Variants in SLC9A4 observed in about 807,000 individuals in gnomAD.
SLC9A4 encodes the protein sodium/hydrogen exchanger 4.
A neutral mutation model predicts 67.4 loss-of-function variants in SLC9A4; 63 were observed. The ratio of observed to expected loss-of-function variants is 0.93; its 90% CI spans 0.76 to 1.15. The LOEUF is 1.15. Ranked by LOEUF, SLC9A4 falls within the 50% of genes most tolerant of loss-of-function variation. SLC9A4 has a pLI of 0.00. For missense variants in SLC9A4, 1,089 were observed against 987.7 expected, an observed-to-expected ratio of 1.10 and a Z score of -1.38; for synonymous variants, 393 against 367.2, an observed-to-expected ratio of 1.07 and a Z score of -0.80.
At chr2:102,519,178 G>A (rs1523204) in intron 8 of SLC9A4, among the ~76,000 whole-genome samples, 75,988 of 151,980 alleles carry the variant, frequency 0.5, 20,032 homozygotes, top group Admixed American at 0.59. Flanking sequence ...GTGGGAAGGG[G>A]TCACAGTGTA....
intron 2 of SLC9A4, among the ~76,000 whole-genome samples, chr2:102,484,119 C>G (rs1438954358): frequency 6.6e-6 from 1 of 151,966 alleles, no homozygotes; most frequent in Non-Finnish European, 1.5e-5. Context: ...TTTGCTTTTA[C>G]TAAGAGGCAT....
chr2:102,496,855 G>A (rs762250502), intron 2 of SLC9A4, among the ~76,000 whole-genome samples: 1 of 152,234 alleles, frequency 6.6e-6, no homozygotes, highest in Non-Finnish European at 1.5e-5. Context: ...CATCATGGTG[G>A]ATTAGCATCC....
intron 11 of SLC9A4, among the ~76,000 whole-genome samples, chr2:102,527,499 T>C (rs1674690778): frequency 6.6e-6 from 1 of 152,180 alleles, no homozygotes; most frequent in Non-Finnish European, 1.5e-5. Flanking sequence ...TATTATCAAC[T>C]TTTAATAAAT....
intron 10 of SLC9A4, 121 bp from the exon 11 acceptor site, chr2:102,526,138 T>A: frequency 1.0e-6 from 1 of 995,034 alleles, no homozygotes; most frequent in South Asian, 1.4e-5. Context: ...TCCGCCCTCT[T>A]CTGCCTCCCA....
At position 102,519,958 on chromosome 2, in the gene SLC9A4, G is replaced by A. The variant is rs1362532374; in HGVS notation, c.1818+3G>A. The A allele has an allele frequency of 3.1e-6, 5 of 1,612,822 alleles. No individual in the cohort carries two copies. Among genetic ancestry groups the A allele is most frequent in the Non-Finnish European group, 4.2e-6 (5 of 1,179,064 alleles). On this transcript the variant is annotated splice_donor_region_variant and intron_variant, in intron 9 of 11. Transcript: ENST00000295269. Reference sequence around the variant, plus strand: ...ACATGTACCAAGTTCGGCAAAGGGTGTGTATGAGCCACCTGTGTTGTCCCC... The same window carrying A: ...ACATGTACCAAGTTCGGCAAAGGGTATGTATGAGCCACCTGTGTTGTCCCC...
At chr2:102,515,858 G>A (rs1685266751) in intron 8 of SLC9A4, among the ~76,000 whole-genome samples, 1 of 151,996 alleles carries the variant, frequency 6.6e-6, no homozygotes, top group Non-Finnish European at 1.5e-5. Context: ...CCATACTCTG[G>A]TAGGGTCATG....
At position 102,519,955 on chromosome 2, in the gene SLC9A4, G is replaced by A. The variant is rs370263568; in HGVS notation, c.1818G>A (p.Arg606=). ...CCAACATGTACCAAGTTCGGCAAAG[G>A]GTGTGTATGAGCCACCTGTGTTGTC... is the stretch of plus-strand genomic sequence containing the variant. ...LTSNMYQVRQ[R]TLSYNKYNLK... The change falls in exon 9 of 12, where the codon AGG becomes AGA. Residue 606 remains arginine (R), a splice_region_variant and synonymous_variant. Transcript: ENST00000295269. The A allele has an allele frequency of 1.2e-6, 2 of 1,613,118 alleles. No individual in the cohort carries two copies. Among genetic ancestry groups the A allele is most frequent in the African/African-American group, 2.7e-5 (2 of 74,858 alleles).
intron 8 of SLC9A4, among the ~76,000 whole-genome samples, chr2:102,517,380 G>T (rs1685295468): frequency 6.6e-6 from 1 of 152,162 alleles, no homozygotes; most frequent in Non-Finnish European, 1.5e-5. Context: ...CCTATGATAT[G>T]TGTATTCTAC....
At chr2:102,477,473 G>A (rs1684358863) in intron 1 of SLC9A4, among the ~76,000 whole-genome samples, 1 of 152,214 alleles carries the variant, frequency 6.6e-6, no homozygotes, top group African/African-American at 2.4e-5. Flanking sequence ...AAGATACTGT[G>A]CTAAGCATTT....
intron 2 of SLC9A4, among the ~76,000 whole-genome samples, chr2:102,497,894 G>A (rs979212291): frequency 2.6e-5 from 4 of 152,172 alleles, no homozygotes; most frequent in Non-Finnish European, 4.4e-5. Flanking sequence ...AGCCCTGGTC[G>A]AAGGACTAAT....
intron 8 of SLC9A4, among the ~76,000 whole-genome samples, chr2:102,519,514 T>C (rs1349361564): frequency 4.6e-5 from 7 of 152,206 alleles, no homozygotes; most frequent in African/African-American, 7.2e-5. Context: ...CATGGTATGG[T>C]ATCATTTTCT....
chr2:102,526,314 C>G lies in SLC9A4; in HGVS notation c.2006C>G (p.Ala669Gly), dbSNP rs774369947. The change falls in exon 11 of 12, where the codon GCA becomes GGA. Residue 669 changes from alanine to glycine, a missense_variant. Coordinates refer to ENST00000295269, the MANE Select transcript of SLC9A4 (RefSeq NM_001011552.4). ...TACCCCTACGGGAATCCTCAGTCTGCAGGAAGAGACACAAGGGCTGCTGGG... is the reference window on the plus strand; with the variant it reads ...TACCCCTACGGGAATCCTCAGTCTGGAGGAAGAGACACAAGGGCTGCTGGG... The part of the protein sequence containing the change: ...LSYPYGNPQS[A>G]GRDTRAAGFS... 6.2e-7 allele frequency: 1 copy of G among 1,613,820 alleles called. No individual in the cohort carries two copies. The highest frequency in any genetic ancestry group is 1.7e-5 in the Admixed American group (1 of 60,020).
At chr2:102,496,687 T>A (rs1684817005) in intron 2 of SLC9A4, among the ~76,000 whole-genome samples, 1 of 151,922 alleles carries the variant, frequency 6.6e-6, no homozygotes, top group Non-Finnish European at 1.5e-5. Context: ...TAAATCTGTC[T>A]ATGGGCAGAA....
intron 2 of SLC9A4, among the ~76,000 whole-genome samples, chr2:102,493,387 T>C (rs1684743697): frequency 6.6e-6 from 1 of 151,844 alleles, no homozygotes; most frequent in East Asian, 1.9e-4. Context: ...TGACTCACAG[T>C]TCCACATGAC....
chr2:102,508,827 T>G lies in SLC9A4; in HGVS notation c.1402-20T>G. 1 of 1,594,912 alleles carries G rather than the reference T, an allele frequency of 6.3e-7. No individual in the cohort carries two copies. The highest frequency in any genetic ancestry group is 8.5e-7 in the Non-Finnish European group (1 of 1,171,312). ...GTCTTCATTACAACAAAACCCTTTG[T>G]TTTGTTATTTCTGATCTAGGGAATC... On this transcript the variant is annotated intron_variant, in intron 5 of 11. Coordinates refer to ENST00000295269, the MANE Select transcript of SLC9A4 (RefSeq NM_001011552.4).
At chr2:102,502,259 G>C (rs1309463805) in intron 2 of SLC9A4, among the ~76,000 whole-genome samples, 2 of 152,046 alleles carry the variant, frequency 1.3e-5, no homozygotes, top group African/African-American at 4.8e-5. Flanking sequence ...CTATGGAGTG[G>C]CATAAAATAG....
chr2:102,528,440 AT>A lies in SLC9A4; in HGVS notation c.2038+2095del, dbSNP rs778656822. Among the ~76,000 whole-genome samples, 192 of 151,844 alleles carry A rather than the reference AT, an allele frequency of 1.3e-3. 1 individual carries two copies. The highest frequency in any genetic ancestry group is 3.9e-3 in the African/African-American group (160 of 41,394). ...TTAATTTAAATTTTTTTAGAAAAAA[AT>A]CTTAAAAAGGGACAGGGTCTCCCTA... On this transcript the variant is annotated intron_variant, in intron 11 of 11. Transcript: ENST00000295269.
intron 9 of SLC9A4, among the ~76,000 whole-genome samples, chr2:102,523,953 G>A (rs1233570316): frequency 6.6e-6 from 1 of 152,208 alleles, no homozygotes; most frequent in African/African-American, 2.4e-5. Flanking sequence ...ACTGGATGAA[G>A]TGCCTTTTGC....
At chr2:102,521,733 T>A (rs990891462) in intron 9 of SLC9A4, among the ~76,000 whole-genome samples, 7 of 152,176 alleles carry the variant, frequency 4.6e-5, no homozygotes, top group African/African-American at 1.7e-4. Flanking sequence ...TTGAGGAATG[T>A]CACAAAGGGT....
Sources: gnomAD v4.1 joint callset for allele counts (sites outside exome capture counted in the v4.1 genomes callset) on GRCh38, gnomAD v4.1.1 for gene constraint, MANE v1.5 for transcripts, NCBI Gene and HGNC (gene_info 2026-07-23, HGNC 2026-07-21) for gene names.